WDR19: variants seen among roughly 807,000 people sequenced by gnomAD.
WDR19 encodes the protein WD repeat-containing protein 19.
In WDR19, 121 loss-of-function variants were observed where a neutral mutation model predicts 180.0. The ratio of observed to expected loss-of-function variants is 0.67; its 90% CI spans 0.58 to 0.78. WDR19 has a LOEUF of 0.78. Among genes scored for constraint, WDR19 ranks in the 30% least tolerant of loss-of-function variants. The pLI is 0.00. For missense variants in WDR19, 1,450 were observed against 1,640.7 expected, an observed-to-expected ratio of 0.88 and a Z score of 2.01; for synonymous variants, 497 against 540.7, an observed-to-expected ratio of 0.92 and a Z score of 1.12.
At chr4:39,262,580 T>G (rs1293739217) in intron 28 of WDR19, among the ~76,000 whole-genome samples, 10 of 152,076 alleles carry the variant, frequency 6.6e-5, no homozygotes. Context: ...AGGGCTCCGC[T>G]TCCTTCGTTC....
intron 25 of WDR19, 92 bp from the exon 26 acceptor site, chr4:39,253,814 T>G: frequency 8.8e-7 from 1 of 1,137,586 alleles, no homozygotes; most frequent in South Asian, 1.8e-5. Context: ...TATCTAAAAA[T>G]TTTGATTTTT....
intron 4 of WDR19, among the ~76,000 whole-genome samples, chr4:39,192,505 T>C (rs901879873): frequency 1.3e-5 from 2 of 152,074 alleles, no homozygotes; most frequent in African/African-American, 4.8e-5. Context: ...AGGCTCCCTC[T>C]TTTGCCCAGG....
rs1250749947 is a variant in WDR19, at chr4:39,232,174, T to C, written c.2155T>C (p.Tyr719His). 2.5e-6 allele frequency: 4 copies of C among 1,613,674 alleles called. No homozygotes were observed. Among genetic ancestry groups the C allele is most frequent in the Non-Finnish European group, 3.4e-6 (4 of 1,179,768 alleles). ...SLEQIKGIED[Y>H]NLLAGHLAMF... ...CTTTTATTTGTAGGGAATAGAGGAC[T>C]ACAATCTTTTGGCAGGACACCTTGC... The change falls in exon 19 of 37, where the codon TAC becomes CAC. Residue 719 changes from tyrosine to histidine, a missense_variant. Coordinates refer to ENST00000399820, the MANE Select transcript of WDR19 (RefSeq NM_025132.4).
Position 39,217,151 on chromosome 4 carries a change from G to C in WDR19, c.1267G>C (p.Asp423His), listed in dbSNP as rs1202290974. 6 of 1,606,512 alleles carry C rather than the reference G, an allele frequency of 3.7e-6. No individual in the cohort carries two copies. The highest frequency in any genetic ancestry group is 4.2e-6 in the Non-Finnish European group (5 of 1,176,534). ...LGENAVKKLK[D>H]MEYLGTVASI... ...TGCTACAGCTGTGAAAAAATTGAAAGATATGGAGTATCTGGGAACAGTAGC... is the reference window on the plus strand; with the variant it reads ...TGCTACAGCTGTGAAAAAATTGAAACATATGGAGTATCTGGGAACAGTAGC... The change falls in exon 13 of 37, where the codon GAT becomes CAT. Residue 423 changes from aspartate (D) to histidine (H), a missense_variant. Transcript: ENST00000399820.
chr4:39,260,327 CTT>C (rs1175851787), intron 28 of WDR19, among the ~76,000 whole-genome samples: 3 of 127,114 alleles, frequency 2.4e-5, no homozygotes, highest in African/African-American at 8.3e-5. Flanking sequence ...AGGGCCACAT[CTT>C]TTTTTTTTTT....
At chr4:39,220,985 G>A (rs971821533) in intron 14 of WDR19, among the ~76,000 whole-genome samples, 1 of 148,614 alleles carries the variant, frequency 6.7e-6, no homozygotes. Context: ...GCCTCTCAAA[G>A]TGCTGGAATT....
chr4:39,263,283 A>T (rs928899978), intron 28 of WDR19, among the ~76,000 whole-genome samples: 1 of 151,996 alleles, frequency 6.6e-6, no homozygotes, highest in African/African-American at 2.4e-5. Context: ...GTCCCCACAG[A>T]TCTCTCACTT....
chr4:39,232,356 C>G (rs774915010), intron 19 of WDR19, 84 bp downstream of exon 19: 248 of 1,146,262 alleles, frequency 2.2e-4, no homozygotes, highest in Non-Finnish European at 2.9e-4. Flanking sequence ...CGGGTGCAGC[C>G]GCTCACGCCT....
At chr4:39,188,108 T>A (rs1725747665) in intron 3 of WDR19, among the ~76,000 whole-genome samples, 1 of 152,198 alleles carries the variant, frequency 6.6e-6, no homozygotes, top group South Asian at 2.1e-4. Context: ...AATATTTTTA[T>A]TAAGAGTTTA....
At chr4:39,228,810 T>A in intron 17 of WDR19, 120 bp downstream of exon 17, 3 of 1,197,964 alleles carry the variant, frequency 2.5e-6, no homozygotes, top group Non-Finnish European at 3.4e-6. Flanking sequence ...AAGAATTTTT[T>A]TTTTTTTTGT....
In WDR19 at chr4:39,205,224, T is replaced by C; in HGVS notation, c.674T>C (p.Leu225Pro). The change falls in exon 8 of 37, where the codon CTT becomes CCT. Residue 225 changes from leucine (L) to proline (P), a missense_variant. Physicochemically the swap from Leu to Pro is moderately conservative, Grantham distance 98 (BLOSUM62 -3). Coordinates refer to ENST00000399820, the MANE Select transcript of WDR19 (RefSeq NM_025132.4). Reference sequence around the variant, plus strand: ...AATGAACCAGATAACCCAGCTGATCTTGAATTTCAGCAGGACTTTGGCAAC... The same window carrying C: ...AATGAACCAGATAACCCAGCTGATCCTGAATTTCAGCAGGACTTTGGCAAC... ...NLNEPDNPAD[L>P]EFQQDFGNIV... is the part of the protein sequence containing the mutation. The C allele has an allele frequency of 1.9e-6, 3 of 1,602,814 alleles. No individual in the cohort carries two copies. The highest frequency in any genetic ancestry group is 2.6e-6 in the Non-Finnish European group (3 of 1,174,228).
At chr4:39,211,050 G>A (rs35778223) in intron 9 of WDR19, among the ~76,000 whole-genome samples, 15,120 of 151,838 alleles carry the variant, frequency 0.1, 889 homozygotes, top group East Asian at 0.21. Flanking sequence ...AGGCTGCAGT[G>A]AGCTGTGGTC....
rs1335939838 is a variant in WDR19 at position 39,220,628 on chromosome 4, G to A, written c.1479+2523G>A. On this transcript the variant is annotated intron_variant, in intron 14 of 36. Transcript: ENST00000399820. ...GTCGCCCATGCAATTCTCTGCCTCA[G>A]CCTCCCTAGTAGCTGGGATTACAGG... Among the ~76,000 whole-genome samples, 4 of 105,516 alleles carry A rather than the reference G, an allele frequency of 3.8e-5. No individual in the cohort carries two copies. In the Admixed American group the frequency reaches 4.5e-4, roughly 12 times the overall value. The allele number at this position is 105,516 out of a possible 152,430, so 69.2% of individuals were successfully genotyped here.
chr4:39,242,558 A>G (rs1732067215), intron 21 of WDR19, among the ~76,000 whole-genome samples: 1 of 152,216 alleles, frequency 6.6e-6, no homozygotes, highest in South Asian at 2.1e-4. Context: ...ACAATGGCTC[A>G]TGCTAGTGAT....
Position 39,232,264 on chromosome 4 carries a change from G to T in WDR19, c.2245G>T (p.Ala749Ser). The T allele has an allele frequency of 6.3e-7, 1 of 1,599,610 alleles. No individual in the cohort carries two copies. The highest frequency in any genetic ancestry group is 1.1e-5 in the South Asian group (1 of 88,344). Reference sequence around the variant, plus strand: ...CCTTGCATCCAGCTGTCCTATTGCTGCCCTGGAGGTATGGCAGCAAGTAAG... The same window carrying T: ...CCTTGCATCCAGCTGTCCTATTGCTTCCCTGGAGGTATGGCAGCAAGTAAG... ...LYLASSCPIAALEMRRDLQHW... is the reference protein window; with the variant it reads ...LYLASSCPIASLEMRRDLQHW... The change falls in exon 19 of 37, where the codon GCC becomes TCC. Residue 749 changes from alanine to serine, a missense_variant. Coordinates refer to ENST00000399820, the MANE Select transcript of WDR19 (RefSeq NM_025132.4).
chr4:39,211,138 C>T (rs564030149), intron 9 of WDR19, among the ~76,000 whole-genome samples: 12 of 152,142 alleles, frequency 7.9e-5, no homozygotes, highest in Admixed American at 3.9e-4. Flanking sequence ...CTGCAGTGAG[C>T]TGTGATCGTG....
At chr4:39,236,053 A>G (rs1455785464) in intron 20 of WDR19, among the ~76,000 whole-genome samples, 1 of 152,180 alleles carries the variant, frequency 6.6e-6, no homozygotes, top group African/African-American at 2.4e-5. Flanking sequence ...AATTAGTAGA[A>G]CCTTTATGGA....
In WDR19 at chr4:39,209,735, TAAAC is replaced by T. The variant is rs1488107750; in HGVS notation, c.890+4002_890+4005del. 4.3e-3 allele frequency among the ~76,000 whole-genome samples: 646 copies of T among 148,978 alleles called. 3 individuals are homozygous for T. The highest frequency in any genetic ancestry group is 0.015 in the African/African-American group (617 of 40,732). ...TCAAAAAAAAAAAAAAAAAATCAATTAAACAAGAAGCTGGTTCTTTGAAGAAAAT... is the reference window on the plus strand; with the variant it reads ...TCAAAAAAAAAAAAAAAAAATCAATTAAGAAGCTGGTTCTTTGAAGAAAAT... On this transcript the variant is annotated intron_variant, in intron 9 of 36. Transcript: ENST00000399820.
intron 26 of WDR19, among the ~76,000 whole-genome samples, chr4:39,255,478 A>G (rs2109444911): frequency 6.6e-6 from 1 of 152,296 alleles, no homozygotes; most frequent in African/African-American, 2.4e-5. Flanking sequence ...CAAAGGAAAG[A>G]CAGTCATATC....
Sources: gnomAD v4.1 joint callset for allele counts (sites outside exome capture counted in the v4.1 genomes callset) on GRCh38, gnomAD v4.1.1 for gene constraint, MANE v1.5 for transcripts, NCBI Gene and HGNC (gene_info 2026-07-23, HGNC 2026-07-21) for gene names.